ACVR1: variants seen among roughly 807,000 people sequenced by gnomAD.
ACVR1 encodes activin receptor type-1.
In ACVR1, 38 loss-of-function variants were observed where a neutral mutation model predicts 57.1. The observed-to-expected ratio is 0.67, with a 90% CI of 0.51 to 0.87. The LOEUF (loss-of-function observed/expected upper bound fraction) is 0.87, where lower values mean the gene tolerates loss of function less well. ACVR1 is among the 40% of genes least tolerant of loss of function. The pLI is 0.00. For missense variants in ACVR1, 463 were observed against 638.2 expected (o/e 0.73, Z 2.96); for synonymous variants, 212 against 228.1 (o/e 0.93, Z 0.63).
chr2:157,840,871 G>C (rs1688951042), intron 1 of ACVR1, among the ~76,000 whole-genome samples: 1 of 152,262 alleles, frequency 6.6e-6, no homozygotes, highest in African/African-American at 2.4e-5. Context: ...TGGCCAGCAA[G>C]GGCAGGGTCC....
chr2:157,841,928 G>A (rs1341020931), intron 1 of ACVR1, among the ~76,000 whole-genome samples: 1 of 150,506 alleles, frequency 6.6e-6, no homozygotes, highest in Non-Finnish European at 1.5e-5. Context: ...TTGGGAGGGT[G>A]AGGCAGGAGA....
intron 1 of ACVR1, among the ~76,000 whole-genome samples, chr2:157,837,644 T>C (rs1224154581): frequency 6.6e-6 from 1 of 152,172 alleles, no homozygotes; most frequent in Non-Finnish European, 1.5e-5. Context: ...ATTTCTATTG[T>C]CACACACTCA....
chr2:157,757,780 C>T (rs547479305), intron 9 of ACVR1, among the ~76,000 whole-genome samples: 2 of 151,598 alleles, frequency 1.3e-5, no homozygotes, highest in East Asian at 3.9e-4. Flanking sequence ...GTGATATATG[C>T]CATCACAAAA....
At chr2:157,745,277 A>G (rs1440186603) in intron 9 of ACVR1, among the ~76,000 whole-genome samples, 1 of 152,178 alleles carries the variant, frequency 6.6e-6, no homozygotes, top group African/African-American at 2.4e-5. Context: ...TGAACAAGAC[A>G]GCCTTAGAGC....
chr2:157,857,985 A>G (rs893943508), intron 1 of ACVR1, among the ~76,000 whole-genome samples: 1 of 151,676 alleles, frequency 6.6e-6, no homozygotes, highest in Non-Finnish European at 1.5e-5. Context: ...AAACAAACCC[A>G]TATTTATTCC....
intron 1 of ACVR1, among the ~76,000 whole-genome samples, chr2:157,869,366 A>T (rs1367711204): frequency 1.3e-5 from 2 of 152,256 alleles, no homozygotes; most frequent in African/African-American, 4.8e-5. Context: ...CCAGACTAGC[A>T]ACTATTCAAT....
chr2:157,765,846 G>C (rs1685842540), intron 8 of ACVR1, 75 bp downstream of exon 8: 4 of 1,480,762 alleles, frequency 2.7e-6, no homozygotes. Context: ...CATGTTGTGG[G>C]GGAGAGATGC....
intron 9 of ACVR1, among the ~76,000 whole-genome samples, chr2:157,757,264 A>G (rs1022736555): frequency 7.3e-5 from 11 of 151,688 alleles, no homozygotes; most frequent in Non-Finnish European, 1.5e-4. Context: ...ATACAACCAA[A>G]TATTCAAATT....
At chr2:157,831,525 T>C (rs1429762715) in intron 1 of ACVR1, among the ~76,000 whole-genome samples, 1 of 152,220 alleles carries the variant, frequency 6.6e-6, no homozygotes, top group African/African-American at 2.4e-5. Context: ...AATAGGTGCT[T>C]AGAAAACAAT....
At chr2:157,842,218 ACTGGCACAGTG>A (rs1441528083) in intron 1 of ACVR1, among the ~76,000 whole-genome samples, 1 of 152,102 alleles carries the variant, frequency 6.6e-6, no homozygotes, top group Non-Finnish European at 1.5e-5. Flanking sequence ...CATCTCCAGG[ACTGGCACAGTG>A]CTGGCACACA....
At chr2:157,821,907 G>C (rs1013387646) in intron 1 of ACVR1, among the ~76,000 whole-genome samples, 1 of 152,146 alleles carries the variant, frequency 6.6e-6, no homozygotes, top group African/African-American at 2.4e-5. Flanking sequence ...CTGAGTAACA[G>C]GCAAGCATAA....
intron 7 of ACVR1, among the ~76,000 whole-genome samples, chr2:157,766,731 G>T (rs1423255409): frequency 5.3e-5 from 8 of 152,166 alleles, no homozygotes; most frequent in African/African-American, 1.9e-4. Context: ...AATAAAAAAA[G>T]AAACCAACCA....
intron 1 of ACVR1, among the ~76,000 whole-genome samples, chr2:157,819,700 A>G (rs530760531): frequency 1.1e-4 from 16 of 152,116 alleles, no homozygotes; most frequent in Non-Finnish European, 1.9e-4. Flanking sequence ...AAAGGCTCAT[A>G]AAACAATGGT....
intron 1 of ACVR1, among the ~76,000 whole-genome samples, chr2:157,873,147 G>A (rs1353239372): frequency 6.6e-6 from 1 of 152,138 alleles, no homozygotes; most frequent in African/African-American, 2.4e-5. Flanking sequence ...ACTCAGCCAT[G>A]GTAAACTCAG....
At chr2:157,839,931 T>A (rs1311290875) in intron 1 of ACVR1, among the ~76,000 whole-genome samples, 1 of 152,184 alleles carries the variant, frequency 6.6e-6, no homozygotes, top group Non-Finnish European at 1.5e-5. Flanking sequence ...CAACAACTCC[T>A]GAACTGGGTC....
intron 2 of ACVR1, among the ~76,000 whole-genome samples, chr2:157,810,151 C>T (rs1358253456): frequency 2.0e-5 from 3 of 152,192 alleles, no homozygotes; most frequent in South Asian, 2.1e-4. Context: ...ATAGTATTCT[C>T]ACCTCAGTCC....
chr2:157,856,939 C>T (rs1442492043), intron 1 of ACVR1, among the ~76,000 whole-genome samples: 2 of 152,244 alleles, frequency 1.3e-5, no homozygotes, highest in South Asian at 2.1e-4. Flanking sequence ...TGGTTTACGC[C>T]TGTAATCCCA....
chr2:157,771,625 A>C (rs1438355420), intron 6 of ACVR1, among the ~76,000 whole-genome samples: 1 of 152,176 alleles, frequency 6.6e-6, no homozygotes, highest in Non-Finnish European at 1.5e-5. Context: ...ACAGGAATAC[A>C]GTTCTTTGCT....
chr2:157,854,218 GA>G (rs1689425576), intron 1 of ACVR1, among the ~76,000 whole-genome samples: 1 of 125,434 alleles, frequency 8.0e-6, no homozygotes, highest in Non-Finnish European at 1.7e-5. Context: ...AAAAAAAAAA[GA>G]AGCATTTTTT....
Sources: allele counts gnomAD v4.1 joint callset (sites outside exome capture counted in the v4.1 genomes callset), GRCh38; gene constraint gnomAD v4.1.1; transcripts MANE v1.5; gene names NCBI Gene and HGNC (gene_info 2026-07-23, HGNC 2026-07-21).